The following DMD variants were observed in gnomAD, a reference collection of about 807,000 sequenced individuals.
DMD encodes mutant dystrophin.
DMD carries 63 observed loss-of-function variants against 330.1 expected under a neutral mutation model. The observed-to-expected ratio is 0.19, with a 90% CI of 0.16 to 0.24. DMD has a LOEUF of 0.24. DMD is among the 10% of genes least tolerant of loss of function. DMD has a pLI of 1.00. For synonymous variants in DMD, 1,223 were observed against 959.8 expected, an observed-to-expected ratio of 1.27 and a Z score of -5.07; for missense variants, 3,344 against 2,684.1, an observed-to-expected ratio of 1.25 and a Z score of -5.43.
intron 19 of DMD, among the ~76,000 whole-genome samples, chrX:32,499,785 A>C (rs1000789841): frequency 4.5e-5 from 5 of 111,266 alleles, no homozygotes; most frequent in Non-Finnish European, 7.6e-5. Context: ...TTAGGGTAGC[A>C]GTCCCTCTGA....
At position 32,092,724 on chromosome X, in the gene DMD, C is replaced by CTTTTTTTTTT. The variant is rs11315047; in HGVS notation, c.6438+124182_6438+124191dup. 9.6e-4 allele frequency among the ~76,000 whole-genome samples: 38 copies of CTTTTTTTTTT among 39,787 alleles called. 2 individuals carry two copies. The highest frequency in any genetic ancestry group is 2.4e-3 in the African/African-American group (22 of 9,089). The allele number at this position is 39,787 out of a possible 115,157, so 34.6% of individuals were successfully genotyped here. ...AAAAATGTTCATCACGTTATTTTCA[C>CTTTTTTTTTT]TTTTTTTTTTTTTTTTTTTTTTTTT... is the stretch of plus-strand genomic sequence containing the variant. On this transcript the variant is annotated intron_variant, in intron 44 of 78. Transcript: ENST00000357033.
At chrX:32,472,615 C>A (rs1424993272) in intron 21 of DMD, among the ~76,000 whole-genome samples, 1 of 110,354 alleles carries the variant, frequency 9.1e-6, no homozygotes, top group African/African-American at 3.3e-5. Flanking sequence ...AACAGAGAAG[C>A]TAAGTAAATT....
chrX:33,093,384 T>C (rs1449241888), intron 1 of DMD, among the ~76,000 whole-genome samples: 2 of 112,353 alleles, frequency 1.8e-5, no homozygotes, highest in Non-Finnish European at 1.9e-5. Flanking sequence ...TTCACAAGGA[T>C]AGGAAACATG....
At chrX:32,532,302 A>G (rs1215791727) in intron 17 of DMD, among the ~76,000 whole-genome samples, 1 of 112,464 alleles carries the variant, frequency 8.9e-6, no homozygotes, top group Non-Finnish European at 1.9e-5. Flanking sequence ...TGTAGAACAG[A>G]CATAATCTAG....
chrX:31,438,955 G>GA lies in DMD; in HGVS notation c.9084+5525dup, dbSNP rs950618701. 1.8e-4 allele frequency among the ~76,000 whole-genome samples: 20 copies of GA among 110,910 alleles called. No individual in the cohort carries two copies. In the South Asian group the frequency reaches 4.2e-3, roughly 23 times the overall value. On this transcript the variant is annotated intron_variant, in intron 60 of 78. Coordinates refer to ENST00000357033, the MANE Select transcript of DMD (RefSeq NM_004006.3). ...GTTCTGATATAAGAATTGCTTGTTG[G>GA]AAAAAAACTGGTTAGTTTTTTTAAA...
At chrX:32,238,273 T>C (rs1428481637) in intron 43 of DMD, among the ~76,000 whole-genome samples, 1 of 110,818 alleles carries the variant, frequency 9.0e-6, no homozygotes, top group Non-Finnish European at 1.9e-5. Flanking sequence ...TTTTATGAGG[T>C]TGTAGTTAAG....
intron 9 of DMD, among the ~76,000 whole-genome samples, chrX:32,683,845 T>C (rs1017760912): frequency 9.1e-6 from 1 of 110,193 alleles, no homozygotes; most frequent in Non-Finnish European, 1.9e-5. Context: ...CAAGAAGTTT[T>C]TGAGACATAT....
At chrX:32,046,601 T>C (rs981113347) in intron 44 of DMD, among the ~76,000 whole-genome samples, 2 of 112,035 alleles carry the variant, frequency 1.8e-5, no homozygotes, top group African/African-American at 3.2e-5. Flanking sequence ...TCATTTTAGT[T>C]ACATTAAGGC....
At chrX:32,420,404 G>C (rs1157294067) in intron 29 of DMD, among the ~76,000 whole-genome samples, 1 of 111,758 alleles carries the variant, frequency 8.9e-6, no homozygotes, top group Non-Finnish European at 1.9e-5. Context: ...AAGATGAGAA[G>C]TCAAAATTAG....
intron 1 of DMD, among the ~76,000 whole-genome samples, chrX:33,198,843 A>G (rs1479573631): frequency 9.0e-6 from 1 of 110,531 alleles, no homozygotes; most frequent in African/African-American, 3.3e-5. Flanking sequence ...GGGGATTTTG[A>G]TGTCTATCCA....
At chrX:32,684,282 A>T (rs1216584990) in intron 9 of DMD, among the ~76,000 whole-genome samples, 1 of 111,729 alleles carries the variant, frequency 9.0e-6, no homozygotes, top group Non-Finnish European at 1.9e-5. Flanking sequence ...ACTCTATTTG[A>T]AAACTTTGCT....
chrX:33,190,880 A>T (rs13440749), intron 1 of DMD, among the ~76,000 whole-genome samples: 7 of 439 alleles, frequency 0.016, no homozygotes, highest in Admixed American at 0.038. Context: ...TATATATATA[A>T]TATATAATAT....
intron 37 of DMD, among the ~76,000 whole-genome samples, chrX:32,360,604 G>A (rs12013367): frequency 0.18 from 19,487 of 108,954 alleles, 1,795 homozygotes; most frequent in African/African-American, 0.36. Flanking sequence ...CCTGGCCAAC[G>A]TGGTGAAACC....
intron 2 of DMD, among the ~76,000 whole-genome samples, chrX:32,936,212 A>G (rs2090010764): frequency 9.1e-6 from 1 of 109,759 alleles, no homozygotes; most frequent in Admixed American, 9.7e-5. Flanking sequence ...CCTGGGTTCA[A>G]GAGATTCTCC....
chrX:31,502,545 T>A (rs1430321961), intron 56 of DMD, among the ~76,000 whole-genome samples: 2 of 111,571 alleles, frequency 1.8e-5, no homozygotes. Context: ...ACAGACTATA[T>A]AATGTCAGTG....
chrX:32,602,527 G>A (rs774288047), intron 12 of DMD, among the ~76,000 whole-genome samples: 1 of 111,572 alleles, frequency 9.0e-6, no homozygotes, highest in Non-Finnish European at 1.9e-5. Context: ...GTGAAATTCA[G>A]TTCCAATGAT....
At chrX:32,613,136 A>C (rs1193427247) in intron 12 of DMD, among the ~76,000 whole-genome samples, 2 of 111,873 alleles carry the variant, frequency 1.8e-5, no homozygotes, top group Non-Finnish European at 3.8e-5. Flanking sequence ...ACACTCAGCA[A>C]AATGTGAATT....
chrX:32,672,533 A>C (rs1031813326), intron 9 of DMD, among the ~76,000 whole-genome samples: 32 of 110,331 alleles, frequency 2.9e-4, no homozygotes, highest in African/African-American at 1.0e-3. Flanking sequence ...GCAATTAATC[A>C]CCTCCCCAAT....
intron 7 of DMD, among the ~76,000 whole-genome samples, chrX:32,787,243 T>TGA (rs1413437004): frequency 4.4e-4 from 41 of 93,569 alleles, no homozygotes; most frequent in East Asian, 1.2e-3. Context: ...TGTGTGTGTG[T>TGA]GTGTGAGAGA....
Sources: allele counts gnomAD v4.1 joint callset (sites outside exome capture counted in the v4.1 genomes callset), GRCh38; gene constraint gnomAD v4.1.1; transcripts MANE v1.5; gene names NCBI Gene and HGNC (gene_info 2026-07-23, HGNC 2026-07-21).